The following CROCC2 variants were observed in gnomAD, a reference collection of about 807,000 sequenced individuals.
CROCC2 encodes ciliary rootlet coiled-coil, rootletin family member 2, also known as ciliary rootlet coiled-coil protein 2.
CROCC2 carries 163 observed loss-of-function variants against 177.6 expected under a neutral mutation model. That is an observed-to-expected ratio of 0.92 (90% CI 0.81 to 1.05). The LOEUF (loss-of-function observed/expected upper bound fraction) is 1.05. Among genes scored for constraint, CROCC2 ranks in the 50% least tolerant of loss-of-function variants. The pLI, the probability that CROCC2 is intolerant of heterozygous loss-of-function variation, is 0.00. For synonymous variants in CROCC2, 904 were observed against 787.3 expected (o/e 1.15, Z -2.48); for missense variants, 1,929 against 1,797.8 (o/e 1.07, Z -1.32).
At chr2:240,932,257 T>C (rs1418847122) in intron 7 of CROCC2, 61 bp from the exon 8 acceptor site, 3 of 673,642 alleles carry the variant, frequency 4.5e-6, no homozygotes, top group Non-Finnish European at 8.4e-6. Context: ...AGCCAGGGCA[T>C]GCTTGGGTGC....
At chr2:240,962,226 C>T (rs1038432338) in intron 20 of CROCC2, among the ~76,000 whole-genome samples, 12 of 146,836 alleles carry the variant, frequency 8.2e-5, no homozygotes, top group Non-Finnish European at 1.4e-4. Flanking sequence ...ATTATAATCA[C>T]ATTAAGTGAT....
Position 240,958,407 on chromosome 2 carries a change from G to T in CROCC2, c.2944-894G>T. 4.0e-6 allele frequency: 1 copy of T among 249,968 alleles called. No individual in the cohort carries two copies. The highest frequency in any genetic ancestry group is 2.3e-5 in the African/African-American group (1 of 43,306). The allele number at this position is 249,968 out of a possible 1,614,324, so 15.5% of individuals were successfully genotyped here. On this transcript the variant is annotated intron_variant, in intron 19 of 31. Transcript: ENST00000690015. The surrounding 1 kb of genome is among the most constrained non-coding windows in gnomAD (Gnocchi z 6.7). Reference sequence around the variant, plus strand: ...TAAAGAATGACGACAGGAGGCAGCAGCATGGCTCCTTTCCCAAGAGCAGGG... The same window carrying T: ...TAAAGAATGACGACAGGAGGCAGCATCATGGCTCCTTTCCCAAGAGCAGGG...
chr2:240,985,768 CAGGCACTCA>C (rs2059836984), intron 28 of CROCC2: 1 of 337,792 alleles, frequency 3.0e-6, no homozygotes, highest in African/African-American at 2.3e-5. Flanking sequence ...CACACACACC[CAGGCACTCA>C]GCACACACCC....
chr2:240,959,393 A>G lies in CROCC2; in HGVS notation c.3036A>G (p.Leu1012=). 1 of 1,550,430 alleles carries G rather than the reference A, an allele frequency of 6.4e-7. No individual in the cohort carries two copies. Among genetic ancestry groups the G allele is most frequent in the Non-Finnish European group, 8.7e-7 (1 of 1,146,888 alleles). ...ITAHQRETTA[L]RESLQDLAAE... Reference sequence around the variant, plus strand: ...CCCATCAGAGGGAGACCACGGCCCTACGCGAGAGCCTCCAGGACCTAGCGG... The same window carrying G: ...CCCATCAGAGGGAGACCACGGCCCTGCGCGAGAGCCTCCAGGACCTAGCGG... Residue 1012 remains leucine (L), a synonymous_variant, in exon 20 of 32, where the codon CTA becomes CTG. Coordinates refer to ENST00000690015, the MANE Select transcript of CROCC2 (RefSeq NM_001351305.2).
At chr2:240,988,171 G>A (rs1428486983) in intron 28 of CROCC2, among the ~76,000 whole-genome samples, 1 of 152,226 alleles carries the variant, frequency 6.6e-6, no homozygotes, top group Non-Finnish European at 1.5e-5. Context: ...TACCCATGGG[G>A]TAGGGAGTGG....
intron 14 of CROCC2, among the ~76,000 whole-genome samples, chr2:240,938,853 CATT>C (rs2059482956): frequency 6.6e-6 from 1 of 151,906 alleles, no homozygotes; most frequent in African/African-American, 2.4e-5. Context: ...TCTTATTGTT[CATT>C]ATTATAGAAA....
At chr2:240,986,030 G>C in intron 28 of CROCC2, 2 of 450,450 alleles carry the variant, frequency 4.4e-6, no homozygotes, top group Non-Finnish European at 9.0e-6. Flanking sequence ...GCTCCTCCCT[G>C]ATGGGGACAT....
chr2:240,987,489 T>A (rs1269143267), intron 28 of CROCC2, among the ~76,000 whole-genome samples: 1 of 152,214 alleles, frequency 6.6e-6, no homozygotes, highest in Non-Finnish European at 1.5e-5. Flanking sequence ...TCTGTTTTTC[T>A]CAGTCCTGAA....
Position 240,993,187 on chromosome 2 carries a change from G to A in CROCC2, c.*106G>A, listed in dbSNP as rs2059890879. Reference sequence around the variant, plus strand: ...CTCAGCGTCACAGTGAAAGGCACCCGTGATGAGACAGCTCGCTCTCGGCAG... The same window carrying A: ...CTCAGCGTCACAGTGAAAGGCACCCATGATGAGACAGCTCGCTCTCGGCAG... On this transcript the variant is annotated 3_prime_UTR_variant, in exon 32 of 32. Transcript: ENST00000690015. 7 of 672,448 alleles carry A rather than the reference G, an allele frequency of 1.0e-5. No individual in the cohort carries two copies. Among genetic ancestry groups the A allele is most frequent in the Admixed American group, 2.2e-5 (1 of 45,968 alleles). 41.7% of individuals were successfully genotyped at this position (672,448 alleles called of 1,614,324 possible).
intron 14 of CROCC2, among the ~76,000 whole-genome samples, chr2:240,943,499 T>A (rs1045770079): frequency 6.1e-5 from 9 of 148,242 alleles, no homozygotes; most frequent in South Asian, 2.1e-4. Flanking sequence ...TTTTTTTTTT[T>A]AATTTTTAAG....
At chr2:240,932,571 C>A in intron 8 of CROCC2, 131 bp from the exon 9 acceptor site, 1 of 690,370 alleles carries the variant, frequency 1.4e-6, no homozygotes, top group Non-Finnish European at 2.7e-6. Flanking sequence ...AAGGTGTGGC[C>A]CCTCGCCTGT....
intron 31 of CROCC2, among the ~76,000 whole-genome samples, chr2:240,992,831 T>C (rs768763599): frequency 9.2e-5 from 14 of 152,222 alleles, no homozygotes; most frequent in Non-Finnish European, 1.5e-4. Flanking sequence ...TTAGTAGGCA[T>C]GTCCCTTCCC....
rs779169102 is a variant in CROCC2, at chr2:240,973,047, C to G, written c.4401+4785C>G. On this transcript the variant is annotated intron_variant, in intron 27 of 31. Transcript: ENST00000690015. The surrounding 1 kb of genome is among the most constrained non-coding windows in gnomAD (Gnocchi z 4.7). ...CAGTAGGGCAGGCCTGGTGCCTCTC[C>G]TGGCTCTGCCAAGCTCCCGGCACAG... 3.0e-4 allele frequency among the ~76,000 whole-genome samples: 46 copies of G among 152,218 alleles called. No individual in the cohort carries two copies. Among genetic ancestry groups the G allele is most frequent in the Non-Finnish European group, 3.7e-4 (25 of 68,034 alleles).
rs144431596 is a variant in CROCC2 at position 240,973,489 on chromosome 2, G to A, written c.4401+5227G>A. Among the ~76,000 whole-genome samples the A allele has an allele frequency of 3.4e-3, 523 of 152,254 alleles. 1 individual carries two copies. The highest frequency in any genetic ancestry group is 0.01 in the Middle Eastern group (3 of 294). On this transcript the variant is annotated intron_variant, in intron 27 of 31. Transcript: ENST00000690015. This position sits in a 1 kb window ranked among gnomAD's most constrained non-coding sequence, Gnocchi z 4.7. ...GCCTCCGTGGCTCAGGGAAGCTCAC[G>A]GCGTTCTTGGACTCTTGCCCAGGCC... is the stretch of plus-strand genomic sequence containing the variant.
chr2:240,961,736 C>T (rs750485549), intron 20 of CROCC2, among the ~76,000 whole-genome samples: 16 of 147,778 alleles, frequency 1.1e-4, no homozygotes, highest in South Asian at 4.3e-4. Flanking sequence ...ATGCACACCA[C>T]GTACAGAGTG....
chr2:240,927,097 C>G (rs964919516), intron 5 of CROCC2, among the ~76,000 whole-genome samples: 2 of 152,254 alleles, frequency 1.3e-5, no homozygotes, highest in Admixed American at 6.5e-5. Context: ...TGCTTTCTCT[C>G]GGCACCTTAA....
chr2:240,967,450 G>A lies in CROCC2; in HGVS notation c.4252G>A (p.Ala1418Thr). 6.8e-7 allele frequency: 1 copy of A among 1,469,662 alleles called. No individual in the cohort carries two copies. The highest frequency in any genetic ancestry group is 1.2e-5 in the South Asian group (1 of 82,462). 91.0% of individuals were successfully genotyped at this position (1,469,662 alleles called of 1,614,324 possible). ...SRVGQLQKALAEAEEGQRRVE... is the reference protein window; with the variant it reads ...SRVGQLQKALTEAEEGQRRVE... ...CGTGGGGCAGCTGCAGAAAGCCCTG[G>A]CTGAGGCGGAAGAAGGTGACCTCCC... Residue 1418 changes from alanine to threonine, a missense_variant, in exon 26 of 32, where the codon GCT becomes ACT. Transcript: ENST00000690015.
chr2:240,991,292 C>A lies in CROCC2; in HGVS notation c.4946+14C>A. ...CCAGACAGGACAGTGAGCCCTGCTG[C>A]ATACCACCCAGCAGCCTAGCTGCCT... On this transcript the variant is annotated intron_variant, in intron 31 of 31. Transcript: ENST00000690015. 6.5e-7 allele frequency: 1 copy of A among 1,543,872 alleles called. No individual in the cohort carries two copies. Among genetic ancestry groups the A allele is most frequent in the South Asian group, 1.2e-5 (1 of 82,644 alleles).
intron 1 of CROCC2, among the ~76,000 whole-genome samples, chr2:240,913,402 T>C (rs1318277450): frequency 1.3e-5 from 2 of 152,252 alleles, no homozygotes; most frequent in African/African-American, 4.8e-5. Flanking sequence ...ACAGGGTCCT[T>C]GCCCTCCTCG....
Sources: gnomAD v4.1 joint callset for allele counts (sites outside exome capture counted in the v4.1 genomes callset) on GRCh38, gnomAD v4.1.1 for gene constraint, Gnocchi (gnomAD v3.1) non-coding constraint, MANE v1.5 for transcripts, NCBI Gene and HGNC (gene_info 2026-07-23, HGNC 2026-07-21) for gene names.